The following FRMD5 variants were observed in gnomAD, a reference collection of about 807,000 sequenced individuals.
The protein encoded by FRMD5 is FERM domain containing 5.
A neutral mutation model predicts 69.0 loss-of-function variants in FRMD5; 20 were observed. The observed-to-expected ratio is 0.29, with a 90% CI of 0.20 to 0.42. FRMD5 has a LOEUF of 0.42. Ranked by LOEUF, FRMD5 falls within the 10% of genes least tolerant of loss-of-function variation. The pLI is 1.00. For synonymous variants in FRMD5, 271 were observed against 260.1 expected (o/e 1.04, Z -0.40); for missense variants, 595 against 708.6 (o/e 0.84, Z 1.82).
At chr15:44,043,341 C>T (rs1892284701) in intron 1 of FRMD5, among the ~76,000 whole-genome samples, 1 of 152,130 alleles carries the variant, frequency 6.6e-6, no homozygotes. Flanking sequence ...TGAAAATGGC[C>T]ATACTGCCTA....
chr15:43,888,109 C>G, intron 10 of FRMD5, 66 bp downstream of exon 10: 1 of 1,289,600 alleles, frequency 7.8e-7, no homozygotes, highest in South Asian at 1.2e-5. Context: ...CACTTGGCCT[C>G]CTGTCACCGA....
At chr15:44,175,017 C>G (rs1326707371) in intron 1 of FRMD5, among the ~76,000 whole-genome samples, 11 of 152,142 alleles carry the variant, frequency 7.2e-5, no homozygotes, top group Admixed American at 6.5e-4. Flanking sequence ...CACATGTAAA[C>G]CTATGAAACA....
intron 1 of FRMD5, among the ~76,000 whole-genome samples, chr15:44,007,640 T>TTTC (rs1555393578): frequency 1.6e-5 from 2 of 126,230 alleles, no homozygotes; most frequent in Non-Finnish European, 3.3e-5. Flanking sequence ...TTAACTAATT[T>TTTC]TTTTTTTTTT....
intron 5 of FRMD5, among the ~76,000 whole-genome samples, chr15:43,907,740 T>C (rs2140413966): frequency 6.6e-6 from 1 of 152,290 alleles, no homozygotes; most frequent in South Asian, 2.1e-4. Flanking sequence ...TCTCTTGACC[T>C]CATGATCTGC....
intron 1 of FRMD5, among the ~76,000 whole-genome samples, chr15:44,168,950 C>G (rs1166904171): frequency 6.6e-6 from 1 of 152,302 alleles, no homozygotes; most frequent in East Asian, 1.9e-4. Flanking sequence ...TGATCAATAT[C>G]ATTTCAAGAT....
rs140631487 is a variant in FRMD5, at chr15:43,992,403, G to A, written c.103-68094C>T. Among the ~76,000 whole-genome samples the A allele has an allele frequency of 2.9e-3, 444 of 150,820 alleles. 10 individuals carry two copies. The East Asian group carries it at 0.049, about 17-fold the overall frequency. ...TATTTATTTTTATTTTTTTGAGATG[G>A]AGTCTTGCTCTGTTGCCCAGGCTGG... On this transcript the variant is annotated intron_variant, in intron 1 of 13. Transcript: ENST00000417257.
At chr15:44,159,974 C>T (rs1036387244) in intron 1 of FRMD5, among the ~76,000 whole-genome samples, 1 of 152,204 alleles carries the variant, frequency 6.6e-6, no homozygotes, top group Non-Finnish European at 1.5e-5. Context: ...GTGGCAGCAT[C>T]TATCATCAAG....
At chr15:43,895,224 A>T (rs184207001) in intron 7 of FRMD5, among the ~76,000 whole-genome samples, 1 of 152,356 alleles carries the variant, frequency 6.6e-6, no homozygotes, top group Admixed American at 6.5e-5. Context: ...AGGAAACGAA[A>T]ATGTGGGAAG....
At chr15:43,947,857 CT>C (rs2089970698) in intron 1 of FRMD5, among the ~76,000 whole-genome samples, 1 of 152,202 alleles carries the variant, frequency 6.6e-6, no homozygotes, top group Non-Finnish European at 1.5e-5. Flanking sequence ...GTACTTAAAC[CT>C]TTTATCCCAG....
intron 1 of FRMD5, among the ~76,000 whole-genome samples, chr15:44,117,651 A>G (rs1181251376): frequency 6.6e-6 from 1 of 152,196 alleles, no homozygotes; most frequent in Non-Finnish European, 1.5e-5. Context: ...TTCCTTCTGG[A>G]TGCTGGACTG....
chr15:43,901,503 G>C (rs954349211), intron 7 of FRMD5, among the ~76,000 whole-genome samples: 16 of 152,280 alleles, frequency 1.1e-4, no homozygotes, highest in Middle Eastern at 3.4e-3. Flanking sequence ...CAGAAATGTG[G>C]AGAAACTGAG....
At chr15:44,179,308 C>T (rs1182145955) in intron 1 of FRMD5, among the ~76,000 whole-genome samples, 2 of 152,202 alleles carry the variant, frequency 1.3e-5, no homozygotes, top group African/African-American at 4.8e-5. Context: ...ACTTGATTCC[C>T]TTTGCCTTCC....
chr15:43,938,148 G>A (rs1051075333), intron 1 of FRMD5, among the ~76,000 whole-genome samples: 1 of 147,520 alleles, frequency 6.8e-6, no homozygotes, highest in Admixed American at 6.9e-5. Flanking sequence ...GGAGAATGGT[G>A]TCAACCCAGA....
rs1342873505 is a variant in FRMD5 at position 44,112,100 on chromosome 15, C to T, written c.102+82853G>A. On this transcript the variant is annotated intron_variant, in intron 1 of 13. Coordinates refer to ENST00000417257, the MANE Select transcript of FRMD5 (RefSeq NM_032892.5). Reference sequence around the variant, plus strand: ...CCTCGTGATCCGCCCACCTCGGCCTCCCAAAGTGCTGATATTACAGGCGTG... The same window carrying T: ...CCTCGTGATCCGCCCACCTCGGCCTTCCAAAGTGCTGATATTACAGGCGTG... Among the ~76,000 whole-genome samples, 6 of 152,138 alleles carry T rather than the reference C, an allele frequency of 3.9e-5. No individual in the cohort carries two copies. In the East Asian group the frequency reaches 9.6e-4, roughly 24 times the overall value.
intron 1 of FRMD5, among the ~76,000 whole-genome samples, chr15:44,014,756 A>C (rs576520945): frequency 6.6e-6 from 1 of 152,332 alleles, no homozygotes; most frequent in East Asian, 1.9e-4. Context: ...GAAAAAAGAA[A>C]AAAAAAGAAT....
At chr15:43,941,098 G>A (rs190535365) in intron 1 of FRMD5, among the ~76,000 whole-genome samples, 51 of 152,336 alleles carry the variant, frequency 3.3e-4, no homozygotes, top group Non-Finnish European at 6.2e-4. Flanking sequence ...GCCAGGCAGA[G>A]TGGCTTACAC....
At chr15:44,105,610 A>G in intron 1 of FRMD5, among the ~76,000 whole-genome samples, 1 of 152,194 alleles carries the variant, frequency 6.6e-6, no homozygotes, top group Non-Finnish European at 1.5e-5. Flanking sequence ...ATGTTTTGTC[A>G]TTTATACTGA....
At chr15:43,988,371 T>TA (rs1555391375) in intron 1 of FRMD5, among the ~76,000 whole-genome samples, 1 of 151,638 alleles carries the variant, frequency 6.6e-6, no homozygotes, top group Non-Finnish European at 1.5e-5. Context: ...TTTTTTTTTT[T>TA]AGCAACGAAG....
Position 44,118,773 on chromosome 15 carries a change from AT to A in FRMD5, c.102+76179del, listed in dbSNP as rs1161336734. Reference sequence around the variant, plus strand: ...CTTTGTATGGAATCTGTTCTCTAAGATTTTCCTTTCTCTTTTTTTAAAGGCA... The same window carrying A: ...CTTTGTATGGAATCTGTTCTCTAAGATTTCCTTTCTCTTTTTTTAAAGGCA... On this transcript the variant is annotated intron_variant, in intron 1 of 13. Coordinates refer to ENST00000417257, the MANE Select transcript of FRMD5 (RefSeq NM_032892.5). 2.0e-5 allele frequency among the ~76,000 whole-genome samples: 3 copies of A among 151,848 alleles called. No individual in the cohort carries two copies. In the East Asian group the frequency reaches 5.8e-4, roughly 29 times the overall value.
Sources: allele counts gnomAD v4.1 joint callset (sites outside exome capture counted in the v4.1 genomes callset), GRCh38; gene constraint gnomAD v4.1.1; transcripts MANE v1.5; gene names NCBI Gene and HGNC (gene_info 2026-07-23, HGNC 2026-07-21).